Variants in ADAM12 observed in about 807,000 individuals in gnomAD.
ADAM12 encodes the protein disintegrin and metalloproteinase domain-containing protein 12.
ADAM12 carries 70 observed loss-of-function variants against 106.4 expected under a neutral mutation model. The ratio of observed to expected loss-of-function variants is 0.66; its 90% CI spans 0.54 to 0.80. ADAM12 has a LOEUF of 0.80. ADAM12 is among the 30% of genes least tolerant of loss of function. ADAM12 has a pLI of 0.00. For synonymous variants in ADAM12, 420 were observed against 433.5 expected (o/e 0.97, Z 0.39); for missense variants, 1,010 against 1,171.9 (o/e 0.86, Z 2.02).
At chr10:126,346,073 T>G (rs1439931157) in intron 1 of ADAM12, among the ~76,000 whole-genome samples, 16 of 152,144 alleles carry the variant, frequency 1.1e-4, no homozygotes, top group Non-Finnish European at 1.3e-4. Context: ...GCTTTTGAAT[T>G]TGTTTGCTCT....
At chr10:126,203,820 G>C (rs566348042) in intron 3 of ADAM12, among the ~76,000 whole-genome samples, 1 of 152,336 alleles carries the variant, frequency 6.6e-6, no homozygotes, top group Middle Eastern at 3.4e-3. Flanking sequence ...CTATGGCCCA[G>C]TTCTGTGTTG....
At chr10:126,283,433 T>C (rs1219207140) in intron 2 of ADAM12, among the ~76,000 whole-genome samples, 1 of 152,206 alleles carries the variant, frequency 6.6e-6, no homozygotes, top group Non-Finnish European at 1.5e-5. Context: ...GTTATAAATG[T>C]TTCTCTCATT....
At chr10:126,162,136 A>G (rs1956946755) in intron 3 of ADAM12, among the ~76,000 whole-genome samples, 1 of 152,110 alleles carries the variant, frequency 6.6e-6, no homozygotes, top group South Asian at 2.1e-4. Flanking sequence ...AAGGACACAG[A>G]CCCAGAGTGG....
chr10:126,377,015 G>C (rs1463019535), intron 1 of ADAM12, among the ~76,000 whole-genome samples: 1 of 152,184 alleles, frequency 6.6e-6, no homozygotes, highest in East Asian at 1.9e-4. Flanking sequence ...TTCAAGGTTT[G>C]GGGTGAGCAA....
At chr10:126,055,250 C>A (rs1003402431) in intron 14 of ADAM12, among the ~76,000 whole-genome samples, 4 of 152,208 alleles carry the variant, frequency 2.6e-5, no homozygotes, top group Non-Finnish European at 4.4e-5. Context: ...GGCTTCCAGA[C>A]TCCCCCTGAG....
At chr10:126,351,094 C>CT (rs1170075024) in intron 1 of ADAM12, among the ~76,000 whole-genome samples, 6 of 152,234 alleles carry the variant, frequency 3.9e-5, no homozygotes, top group Admixed American at 3.9e-4. Context: ...CGAAGCTAGG[C>CT]TGTGGCAGAG....
At chr10:126,079,615 C>T (rs1270694954) in intron 11 of ADAM12, among the ~76,000 whole-genome samples, 2 of 152,166 alleles carry the variant, frequency 1.3e-5, no homozygotes, top group Non-Finnish European at 2.9e-5. Flanking sequence ...CCATTAGAGA[C>T]TGGAAACAAC....
rs1223177823 is a variant in ADAM12 at position 126,097,203 on chromosome 10, C to T, written c.996+1213G>A. The stretch of plus-strand genomic sequence containing the variant: ...TTATTCCCTCTTAAAAATGTACAGT[C>T]TGCTCTGTAAAAATAGAGTTGGGAT... On this transcript the variant is annotated intron_variant, in intron 10 of 22. Coordinates refer to ENST00000448723, the MANE Select transcript of ADAM12 (RefSeq NM_001288973.2). 2.0e-5 allele frequency among the ~76,000 whole-genome samples: 3 copies of T among 152,212 alleles called. No homozygotes were observed. The East Asian group carries it at 5.8e-4, about 29-fold the overall frequency.
chr10:126,225,201 G>C (rs1474798966), intron 3 of ADAM12, among the ~76,000 whole-genome samples: 1 of 152,244 alleles, frequency 6.6e-6, no homozygotes, highest in African/African-American at 2.4e-5. Context: ...CCCCTGGAAA[G>C]GGTGGCCAGG....
intron 3 of ADAM12, among the ~76,000 whole-genome samples, chr10:126,268,722 T>C (rs1959149728): frequency 6.6e-6 from 1 of 152,186 alleles, no homozygotes; most frequent in African/African-American, 2.4e-5. Context: ...TCAACTCCAC[T>C]CAAGATAACG....
At chr10:126,198,407 T>G (rs117819486) in intron 3 of ADAM12, among the ~76,000 whole-genome samples, 47 of 152,340 alleles carry the variant, frequency 3.1e-4, no homozygotes, top group Non-Finnish European at 6.2e-4. Context: ...ATCACCCACA[T>G]GCTGGATTTG....
At chr10:126,233,536 A>T (rs1183944374) in intron 3 of ADAM12, among the ~76,000 whole-genome samples, 1 of 131,248 alleles carries the variant, frequency 7.6e-6, no homozygotes, top group Non-Finnish European at 1.7e-5. Flanking sequence ...GAAAGGAGGC[A>T]TAGTTTTAAG....
At chr10:126,167,247 G>C (rs528658606) in intron 3 of ADAM12, among the ~76,000 whole-genome samples, 2 of 152,356 alleles carry the variant, frequency 1.3e-5, no homozygotes, top group South Asian at 2.1e-4. Context: ...TGGAGGCAAA[G>C]AGAGGTTAGG....
intron 1 of ADAM12, among the ~76,000 whole-genome samples, chr10:126,367,226 T>C (rs2133913535): frequency 6.6e-6 from 1 of 152,014 alleles, no homozygotes; most frequent in Non-Finnish European, 1.5e-5. Context: ...AGACATAATC[T>C]GATTATAATA....
chr10:126,050,445 A>G (rs1052995746), intron 14 of ADAM12, among the ~76,000 whole-genome samples: 2 of 152,266 alleles, frequency 1.3e-5, no homozygotes, highest in African/African-American at 4.8e-5. Context: ...TGAGCAAGTC[A>G]AGAAAACATG....
chr10:126,166,261 C>A (rs1400264192), intron 3 of ADAM12, among the ~76,000 whole-genome samples: 1 of 152,178 alleles, frequency 6.6e-6, no homozygotes, highest in Non-Finnish European at 1.5e-5. Context: ...CACAGACAGC[C>A]TTTTGGACTG....
intron 11 of ADAM12, among the ~76,000 whole-genome samples, chr10:126,075,692 T>G (rs559826993): frequency 6.6e-6 from 1 of 152,276 alleles, no homozygotes; most frequent in Non-Finnish European, 1.5e-5. Flanking sequence ...GGGAAAGAGC[T>G]GGTACAAGTG....
chr10:126,174,188 C>A (rs1957175380), intron 3 of ADAM12, among the ~76,000 whole-genome samples: 1 of 151,676 alleles, frequency 6.6e-6, no homozygotes, highest in Non-Finnish European at 1.5e-5. Context: ...TCCCCTCCTC[C>A]CCCTTCCCCC....
intron 11 of ADAM12, among the ~76,000 whole-genome samples, chr10:126,076,226 G>A (rs571425792): frequency 2.0e-5 from 3 of 152,166 alleles, no homozygotes; most frequent in African/African-American, 4.8e-5. Flanking sequence ...AATGGCCTCC[G>A]GCTCCATCCA....
Sources: gnomAD v4.1 joint callset for allele counts (sites outside exome capture counted in the v4.1 genomes callset) on GRCh38, gnomAD v4.1.1 for gene constraint, MANE v1.5 for transcripts, NCBI Gene and HGNC (gene_info 2026-07-23, HGNC 2026-07-21) for gene names.